AKAP19: variants seen among roughly 807,000 people sequenced by gnomAD.
AKAP19 encodes the protein small A-kinase anchoring protein.
the AKAP19 span, among the ~76,000 whole-genome samples, chr2:190,106,266 C>T: frequency 3.3e-5 from 5 of 152,198 alleles, no homozygotes; most frequent in African/African-American, 1.2e-4. Flanking sequence ...TACATTGAGA[C>T]TCAAGGATAT....
chr2:190,071,368 A>G, the AKAP19 span, among the ~76,000 whole-genome samples: 1 of 152,022 alleles, frequency 6.6e-6, no homozygotes, highest in Non-Finnish European at 1.5e-5. Context: ...TTTATACCAT[A>G]TTTTTTACTG....
At chr2:189,967,696 C>T in the AKAP19 span, among the ~76,000 whole-genome samples, 1 of 151,928 alleles carries the variant, frequency 6.6e-6, no homozygotes, top group African/African-American at 2.4e-5. Context: ...CACCTGTAGT[C>T]CCAGCTACTT....
chr2:190,015,559 C>A, the AKAP19 span, among the ~76,000 whole-genome samples: 1 of 152,222 alleles, frequency 6.6e-6, no homozygotes, highest in Non-Finnish European at 1.5e-5. Context: ...TCCCTGGAGA[C>A]ATTTTCTCCA....
the AKAP19 span, among the ~76,000 whole-genome samples, chr2:190,118,684 C>T: frequency 6.6e-6 from 1 of 152,220 alleles, no homozygotes; most frequent in African/African-American, 2.4e-5. Context: ...ATGCTAAAAA[C>T]TCTCAATAAA....
At chr2:190,057,442 A>T in the AKAP19 span, 2 of 1,613,568 alleles carry the variant, frequency 1.2e-6, no homozygotes, top group Non-Finnish European at 1.7e-6. Flanking sequence ...TAAAAATACA[A>T]ATTCACACTC....
At chr2:190,097,838 A>C in the AKAP19 span, among the ~76,000 whole-genome samples, 1 of 141,304 alleles carries the variant, frequency 7.1e-6, no homozygotes, top group African/African-American at 2.6e-5. Flanking sequence ...CCTGAGCAAC[A>C]CAGTGAGAGC....
At chr2:189,988,381 C>T in the AKAP19 span, among the ~76,000 whole-genome samples, 1 of 152,196 alleles carries the variant, frequency 6.6e-6, no homozygotes, top group South Asian at 2.1e-4. Flanking sequence ...ATTCCATCCC[C>T]TCTCATTTAA....
chr2:190,094,365 T>A, the AKAP19 span, among the ~76,000 whole-genome samples: 1 of 152,238 alleles, frequency 6.6e-6, no homozygotes, highest in Non-Finnish European at 1.5e-5. Flanking sequence ...AGGCTGATAC[T>A]GTTACTGCCA....
chr2:190,073,922 G>A, the AKAP19 span, among the ~76,000 whole-genome samples: 1 of 151,946 alleles, frequency 6.6e-6, no homozygotes, highest in Non-Finnish European at 1.5e-5. Flanking sequence ...GTGGTGAGAC[G>A]TGCCTGTAGT....
the AKAP19 span, among the ~76,000 whole-genome samples, chr2:190,089,366 CT>C: frequency 2.6e-5 from 4 of 151,846 alleles, no homozygotes; most frequent in Admixed American, 6.6e-5. Context: ...TTTTTTGCCT[CT>C]GAGAACTGTG....
the AKAP19 span, among the ~76,000 whole-genome samples, chr2:190,024,435 T>C: frequency 6.6e-6 from 1 of 151,674 alleles, no homozygotes; most frequent in Non-Finnish European, 1.5e-5. Flanking sequence ...TCCCGGTTCA[T>C]TTCACTCTAT....
At chr2:190,062,079 A>G in the AKAP19 span, 30 of 847,228 alleles carry the variant, frequency 3.5e-5, no homozygotes, top group Admixed American at 8.0e-5. Context: ...TTCTCATGCA[A>G]TCTTGAAAAA....
the AKAP19 span, among the ~76,000 whole-genome samples, chr2:190,187,429 T>C: frequency 2.0e-5 from 3 of 149,692 alleles, no homozygotes; most frequent in African/African-American, 7.4e-5. Flanking sequence ...TTTTTTTTGC[T>C]GGTTTTGTGT....
chr2:189,996,159 A>G, the AKAP19 span, among the ~76,000 whole-genome samples: 1 of 152,232 alleles, frequency 6.6e-6, no homozygotes, highest in Non-Finnish European at 1.5e-5. Context: ...AGGCCAGGGA[A>G]GTTTTCCTCA....
chr2:190,196,869 G>T, the AKAP19 span, among the ~76,000 whole-genome samples: 1 of 152,026 alleles, frequency 6.6e-6, no homozygotes, highest in Non-Finnish European at 1.5e-5. Context: ...CATTCAGGAT[G>T]GTATAACAAA....
the AKAP19 span, chr2:190,199,624 T>TGAGTGGCA: frequency 1.1e-6 from 1 of 939,166 alleles, no homozygotes. Context: ...ATGAAAGGAT[T>TGAGTGGCA]TTTACATGCC....
chr2:190,086,528 A>G, the AKAP19 span, among the ~76,000 whole-genome samples: 7 of 152,174 alleles, frequency 4.6e-5, no homozygotes, highest in African/African-American at 1.7e-4. Context: ...AGTCTACACA[A>G]TTTATGAGGC....
At chr2:190,065,065 G>A in the AKAP19 span, among the ~76,000 whole-genome samples, 3 of 152,070 alleles carry the variant, frequency 2.0e-5, no homozygotes, top group Non-Finnish European at 2.9e-5. Context: ...GCAGGGTTCC[G>A]CCTTTTTGTT....
chr2:190,013,863 A>G, the AKAP19 span, among the ~76,000 whole-genome samples: 2 of 151,882 alleles, frequency 1.3e-5, no homozygotes, highest in Admixed American at 1.3e-4. Flanking sequence ...TATTTTGTTT[A>G]TCTTGTAAAA....
Sources: allele counts gnomAD v4.1 joint callset (sites outside exome capture counted in the v4.1 genomes callset), GRCh38; gene constraint gnomAD v4.1.1; transcripts MANE v1.5; gene names NCBI Gene and HGNC (gene_info 2026-07-23, HGNC 2026-07-21).